Variants in TRMT10B observed in about 807,000 individuals in gnomAD.
TRMT10B encodes tRNA methyltransferase 10B.
In TRMT10B, 33 loss-of-function variants were observed where a neutral mutation model predicts 43.8. The ratio of observed to expected loss-of-function variants is 0.75; its 90% confidence interval spans 0.57 to 1.01. TRMT10B has a LOEUF of 1.01. Ranked by LOEUF, TRMT10B falls within the 50% of genes least tolerant of loss-of-function variation. The pLI, the probability that TRMT10B is intolerant of heterozygous loss-of-function variation, is 0.00. For missense variants in TRMT10B, 362 were observed against 369.8 expected, an observed-to-expected ratio of 0.98 and a Z score of 0.17; for synonymous variants, 137 against 130.6, an observed-to-expected ratio of 1.05 and a Z score of -0.34.
intron 1 of TRMT10B, among the ~76,000 whole-genome samples, chr9:37,759,168 CAT>C (rs996381562): frequency 9.8e-5 from 15 of 152,292 alleles, no homozygotes; most frequent in African/African-American, 3.4e-4. Flanking sequence ...GATGTGAAAA[CAT>C]GTATCCATAA....
In TRMT10B at chr9:37,761,464, C is replaced by T. The variant is rs532536399; in HGVS notation, c.-29-439C>T. Among the ~76,000 whole-genome samples the T allele has an allele frequency of 4.9e-4, 74 of 152,134 alleles. 1 individual carries two copies. The highest frequency in any genetic ancestry group is 1.7e-3 in the South Asian group (8 of 4,812). ...CTGTAATCCCCGCACTTTGGGGGGC[C>T]GAGATGGGTAGATCACTTGAGGTCA... On this transcript the variant is annotated intron_variant, in intron 1 of 8. Transcript: ENST00000297994.
intron 7 of TRMT10B, among the ~76,000 whole-genome samples, chr9:37,774,792 A>G (rs1212819887): frequency 6.6e-6 from 1 of 152,252 alleles, no homozygotes; most frequent in Non-Finnish European, 1.5e-5. Context: ...TCCACTTCAC[A>G]CTATTCCACC....
At chr9:37,774,194 G>T (rs1296434754) in intron 7 of TRMT10B, among the ~76,000 whole-genome samples, 3 of 152,044 alleles carry the variant, frequency 2.0e-5, no homozygotes, top group Admixed American at 6.6e-5. Context: ...TTGAGTTGGG[G>T]TTTCACCGTA....
chr9:37,770,724 T>G lies in TRMT10B; in HGVS notation c.705T>G (p.Asp235Glu). The change falls in exon 7 of 9, where the codon GAT (aspartate) becomes GAG (glutamate). Residue 235 changes from aspartate (D) to glutamate (E), a missense_variant. By Grantham distance (45) the Asp-to-Glu change is conservative (BLOSUM62 2). Coordinates refer to ENST00000297994, the MANE Select transcript of TRMT10B (RefSeq NM_144964.4). ...NKVYILGGLV[D>E]ESIQKKVTFQ... ...TTTACATCCTCGGTGGGCTTGTGGA[T>G]GAAAGCATTCAGAAGGTAAGTATAC... 1.9e-6 allele frequency: 3 copies of G among 1,613,992 alleles called. No homozygotes were observed. Among genetic ancestry groups the G allele is most frequent in the Non-Finnish European group, 2.5e-6 (3 of 1,180,010 alleles).
At chr9:37,754,708 C>T (rs1322020412) in intron 1 of TRMT10B, among the ~76,000 whole-genome samples, 1 of 152,100 alleles carries the variant, frequency 6.6e-6, no homozygotes, top group Non-Finnish European at 1.5e-5. Context: ...CCCAAGTCCC[C>T]AGGATGTACT....
At chr9:37,768,618 T>C (rs930532784) in intron 5 of TRMT10B, among the ~76,000 whole-genome samples, 11 of 152,218 alleles carry the variant, frequency 7.2e-5, no homozygotes, top group Non-Finnish European at 1.5e-4. Context: ...TAAGGTACTT[T>C]TCACCTCTCT....
Position 37,763,584 on chromosome 9 carries a change from C to T in TRMT10B, c.296-45C>T, listed in dbSNP as rs779396072. 33 of 1,553,742 alleles carry T rather than the reference C, an allele frequency of 2.1e-5. No homozygotes were observed. The East Asian group carries it at 7.0e-4, about 33-fold the overall frequency. On this transcript the variant is annotated intron_variant, in intron 3 of 8. Coordinates refer to ENST00000297994, the MANE Select transcript of TRMT10B (RefSeq NM_144964.4). ...TAAGATTTGTTTCTTATATAATATT[C>T]CTCTGGTTTTCCACTTTTATTTCTT...
chr9:37,755,201 G>A (rs1234953730), intron 1 of TRMT10B, among the ~76,000 whole-genome samples: 1 of 151,944 alleles, frequency 6.6e-6, no homozygotes, highest in Non-Finnish European at 1.5e-5. Flanking sequence ...AACCTGGGAG[G>A]CAAAGCTTGC....
In TRMT10B at chr9:37,778,019, T is replaced by TAA; in HGVS notation, c.*320_*321dup. ...GACTCCATCTCAAAAAAAAAATAAATAAAAAAAAATGCAGCTGCAGGAGTG... is the reference window on the plus strand; with the variant it reads ...GACTCCATCTCAAAAAAAAAATAAATAAAAAAAAAAATGCAGCTGCAGGAGTG... On this transcript the variant is annotated 3_prime_UTR_variant, in exon 9 of 9. Coordinates refer to ENST00000297994, the MANE Select transcript of TRMT10B (RefSeq NM_144964.4). 4.9e-6 allele frequency: 1 copy of TAA among 203,820 alleles called. No homozygotes were observed. The highest frequency in any genetic ancestry group is 1.3e-4 in the East Asian group (1 of 7,502). 12.6% of individuals were successfully genotyped at this position (203,820 alleles called of 1,614,324 possible).
chr9:37,776,161 A>T, intron 7 of TRMT10B, 121 bp from the exon 8 acceptor site: 2 of 847,682 alleles, frequency 2.4e-6, no homozygotes, highest in Non-Finnish European at 3.3e-6. Flanking sequence ...TGAGACAGTT[A>T]ACTCATTATC....
At chr9:37,762,406 GCT>G in intron 2 of TRMT10B, 169 bp from the exon 3 acceptor site, 1 of 1,016,932 alleles carries the variant, frequency 9.8e-7, no homozygotes, top group Non-Finnish European at 1.4e-6. Flanking sequence ...TTTTTCTGGG[GCT>G]CTGTTTTCTC....
intron 1 of TRMT10B, among the ~76,000 whole-genome samples, chr9:37,756,765 C>T (rs1373767160): frequency 6.6e-6 from 1 of 150,666 alleles, no homozygotes; most frequent in African/African-American, 2.4e-5. Flanking sequence ...TATATATATA[C>T]ACATATATAC....
chr9:37,758,309 G>A (rs1435917263), intron 1 of TRMT10B, among the ~76,000 whole-genome samples: 1 of 152,202 alleles, frequency 6.6e-6, no homozygotes, highest in Non-Finnish European at 1.5e-5. Context: ...CTACTCATGA[G>A]GCTGGGGTGG....
At chr9:37,775,765 G>A (rs1361454251) in intron 7 of TRMT10B, among the ~76,000 whole-genome samples, 1 of 152,132 alleles carries the variant, frequency 6.6e-6, no homozygotes, top group Admixed American at 6.5e-5. Context: ...TTGAACTCCT[G>A]GGCTCAAGCA....
At position 37,777,926 on chromosome 9, in the gene TRMT10B, A is replaced by G. The variant is rs1828358401; in HGVS notation, c.*219A>G. 1 of 389,888 alleles carries G rather than the reference A, an allele frequency of 2.6e-6. No individual in the cohort carries two copies. Among genetic ancestry groups the G allele is most frequent in the African/African-American group, 2.1e-5 (1 of 47,736 alleles). The allele number at this position is 389,888 out of a possible 1,614,324, so 24.2% of individuals were successfully genotyped here. The stretch of plus-strand genomic sequence containing the variant: ...AGGCTGAGGCAGGAGAATCACTTGA[A>G]CTCGGGAGGCGAAGGTTGCAGTGAG... On this transcript the variant is annotated 3_prime_UTR_variant, in exon 9 of 9. Coordinates refer to ENST00000297994, the MANE Select transcript of TRMT10B (RefSeq NM_144964.4).
chr9:37,759,555 C>T (rs1436934915), intron 1 of TRMT10B, among the ~76,000 whole-genome samples: 2 of 152,176 alleles, frequency 1.3e-5, no homozygotes, highest in African/African-American at 4.8e-5. Flanking sequence ...TGGTGGCTCA[C>T]GCCTGTAATC....
intron 4 of TRMT10B, among the ~76,000 whole-genome samples, chr9:37,765,022 G>A (rs1243274738): frequency 6.6e-6 from 1 of 152,120 alleles, no homozygotes; most frequent in Non-Finnish European, 1.5e-5. Context: ...TGATTGGCTT[G>A]TTAGGAAAAT....
chr9:37,762,168 A>G, intron 2 of TRMT10B, 51 bp downstream of exon 2: 1 of 1,547,798 alleles, frequency 6.5e-7, no homozygotes, highest in African/African-American at 1.4e-5. Context: ...GAATGTCTCA[A>G]GACACCCCTG....
chr9:37,761,891 G>T lies in TRMT10B; in HGVS notation c.-29-12G>T. On this transcript the variant is annotated splice_polypyrimidine_tract_variant and intron_variant, in intron 1 of 8. Coordinates refer to ENST00000297994, the MANE Select transcript of TRMT10B (RefSeq NM_144964.4). ...ATAATGTAATAGCTCACATAATTGT[G>T]CCTTTTTCCAGTCTGGTGGAAAGGA... is the stretch of plus-strand genomic sequence containing the variant. The T allele has an allele frequency of 6.4e-7, 1 of 1,560,050 alleles. No homozygotes were observed. Among genetic ancestry groups the T allele is most frequent in the Non-Finnish European group, 8.7e-7 (1 of 1,142,990 alleles).
Sources: allele counts gnomAD v4.1 joint callset (sites outside exome capture counted in the v4.1 genomes callset), GRCh38; gene constraint gnomAD v4.1.1; transcripts MANE v1.5; gene names NCBI Gene and HGNC (gene_info 2026-07-23, HGNC 2026-07-21).